The following DNHD1 variants were observed in gnomAD, a reference collection of about 807,000 sequenced individuals.
The protein encoded by DNHD1 is dynein heavy chain domain 1, also known as dynein heavy chain domain-containing protein 1.
In DNHD1, 383 loss-of-function variants were observed where a neutral mutation model predicts 458.1. The ratio of observed to expected loss-of-function variants is 0.84; its 90% confidence interval spans 0.77 to 0.91. The LOEUF (loss-of-function observed/expected upper bound fraction) is 0.91, where lower values mean the gene tolerates loss of function less well. DNHD1 is among the 40% of genes least tolerant of loss of function. DNHD1 has a pLI of 0.00. For missense variants in DNHD1, 5,336 were observed against 5,866.1 expected (o/e 0.91, Z 2.95); for synonymous variants, 2,203 against 2,376.9 (o/e 0.93, Z 2.13).
chr11:6,558,791 C>A, intron 26 of DNHD1, 98 bp downstream of exon 26: 1 of 1,495,036 alleles, frequency 6.7e-7, no homozygotes, highest in Non-Finnish European at 9.1e-7. Context: ...CTAGAGCCTA[C>A]AGAGCCCCCT....
In DNHD1 at chr11:6,567,543, G is replaced by T; in HGVS notation, c.12034G>T (p.Ala4012Ser). 1 of 1,613,014 alleles carries T rather than the reference G, an allele frequency of 6.2e-7. No individual in the cohort carries two copies. The highest frequency in any genetic ancestry group is 8.5e-7 in the Non-Finnish European group (1 of 1,179,482). The change falls in exon 36 of 43, where the codon GCT (alanine) becomes TCT (serine). Residue 4012 changes from alanine to serine, a missense_variant. This residue lies in a region of DNHD1 where 695 missense variants were observed against 804.2 expected (regional missense o/e 0.86). Transcript: ENST00000254579. ...TGCCTCCCTGGCAGGCCACTCCAGT[G>T]CTTGGCAGGCTTACCTGTCACTGTC... ...LCASLAGHSSAWQAYLSLSST... is the reference protein window; with the variant it reads ...LCASLAGHSSSWQAYLSLSST...
intron 18 of DNHD1, among the ~76,000 whole-genome samples, chr11:6,541,661 T>C (rs562508742): frequency 6.6e-6 from 1 of 152,312 alleles, no homozygotes; most frequent in East Asian, 1.9e-4. Flanking sequence ...CATTAATAAT[T>C]TACTCAATAA....
intron 14 of DNHD1, among the ~76,000 whole-genome samples, chr11:6,534,445 CAG>C (rs1852897452): frequency 6.6e-6 from 1 of 151,568 alleles, no homozygotes; most frequent in African/African-American, 2.4e-5. Context: ...GTGATGGGGT[CAG>C]GGGCTAAAAG....
In DNHD1 at chr11:6,502,935, C is replaced by G. The variant is rs1852166583; in HGVS notation, c.920+9C>G. 4 of 1,612,906 alleles carry G rather than the reference C, an allele frequency of 2.5e-6. No individual in the cohort carries two copies. In the East Asian group the frequency reaches 8.9e-5, roughly 36 times the overall value. On this transcript the variant is annotated intron_variant, in intron 4 of 42. Transcript: ENST00000254579. ...CCCAGCCGGTACTTTAGGTGATAGC[C>G]TATGTCCAGGCCCCTTCTCCTCCCC...
chr11:6,506,618 A>T (rs1852232831), intron 4 of DNHD1, among the ~76,000 whole-genome samples: 2 of 151,692 alleles, frequency 1.3e-5, no homozygotes, highest in Non-Finnish European at 2.9e-5. Flanking sequence ...CCAGTGTTTG[A>T]TTTACATTTA....
chr11:6,526,633 G>A (rs1017683388), intron 10 of DNHD1, among the ~76,000 whole-genome samples: 13 of 152,022 alleles, frequency 8.6e-5, no homozygotes, highest in Non-Finnish European at 1.6e-4. Context: ...ACTTTCTGAG[G>A]TTTTCTGGTT....
intron 13 of DNHD1, 61 bp from the exon 14 acceptor site, chr11:6,533,620 A>T (rs1196173520): frequency 6.7e-7 from 1 of 1,485,816 alleles, no homozygotes; most frequent in African/African-American, 1.4e-5. Context: ...CCCCTTGGGG[A>T]TGGGACCAAA....
intron 4 of DNHD1, chr11:6,503,835 G>A (rs1564994143): frequency 6.6e-6 from 1 of 152,126 alleles, no homozygotes; most frequent in African/African-American, 2.4e-5. Flanking sequence ...AGAAATAATT[G>A]TAATAATTGC....
At position 6,502,822 on chromosome 11, in the gene DNHD1, G is replaced by C; in HGVS notation, c.816G>C (p.Glu272Asp). 26 of 1,613,034 alleles carry C rather than the reference G, an allele frequency of 1.6e-5. No homozygotes were observed. Among genetic ancestry groups the C allele is most frequent in the Non-Finnish European group, 2.2e-5 (26 of 1,179,516 alleles). ...AGAGCAGCACCGGCTTTTCACCTGA[G>C]ACTTCCTTCCTGGATAGCCAGGTGA... is the stretch of plus-strand genomic sequence containing the variant. ...FQKSSTGFSP[E>D]TSFLDSQVMT... is the part of the protein sequence containing the mutation. Residue 272 changes from glutamate to aspartate, a missense_variant, in exon 4 of 43, where the codon GAG becomes GAC. Glu to Asp is a conservative substitution (Grantham distance 45). This residue lies in a region of DNHD1 where 3,932 missense variants were observed against 4,365.6 expected (regional missense o/e 0.90). Transcript: ENST00000254579.
chr11:6,547,572 T>C lies in DNHD1; in HGVS notation c.6633T>C (p.Cys2211=). Residue 2211 remains cysteine (C), a synonymous_variant, in exon 21 of 43, where the codon TGT becomes TGC. Transcript: ENST00000254579. The part of the protein sequence containing the change: ...LLQVHGQQAV[C]AGVAEVTSMA... Reference sequence around the variant, plus strand: ...AGGTACACGGGCAGCAGGCTGTTTGTGCAGGTGTGGCAGAAGTTACCAGCA... The same window carrying C: ...AGGTACACGGGCAGCAGGCTGTTTGCGCAGGTGTGGCAGAAGTTACCAGCA... The C allele has an allele frequency of 6.5e-7, 1 of 1,550,364 alleles. No homozygotes were observed. The highest frequency in any genetic ancestry group is 8.7e-7 in the Non-Finnish European group (1 of 1,145,876).
intron 10 of DNHD1, among the ~76,000 whole-genome samples, chr11:6,525,260 T>A (rs1235765890): frequency 6.6e-6 from 1 of 152,178 alleles, no homozygotes; most frequent in Non-Finnish European, 1.5e-5. Flanking sequence ...CACTTTTACA[T>A]CTCACCATCA....
Position 6,546,182 on chromosome 11 carries a change from T to C in DNHD1, c.5243T>C (p.Leu1748Ser). ...LEKVHQLPPG[L>S]LSALGQRLGE... ...AAAGTTCATCAGCTGCCCCCTGGCT[T>C]GCTCTCTGCCCTGGGCCAGCGCCTG... The change falls in exon 21 of 43, where the codon TTG becomes TCG. Residue 1748 changes from leucine (L) to serine (S), a missense_variant. Transcript: ENST00000254579. The C allele has an allele frequency of 6.4e-7, 1 of 1,551,198 alleles. No individual in the cohort carries two copies. Among genetic ancestry groups the C allele is most frequent in the Non-Finnish European group, 8.7e-7 (1 of 1,146,556 alleles).
At chr11:6,528,424 TG>T (rs1852757617) in intron 10 of DNHD1, 97 bp from the exon 11 acceptor site, 2 of 1,294,894 alleles carry the variant, frequency 1.5e-6, no homozygotes, top group Non-Finnish European at 2.1e-6. Flanking sequence ...TGTGTGTGTG[TG>T]TGTGTGTGTG....
rs1853506196 is a variant in DNHD1, at chr11:6,558,007, T to TTCTAGCA, written c.8714_8720dup (p.Cys2908Ter). The TTCTAGCA allele has an allele frequency of 6.4e-7, 1 of 1,551,600 alleles. No homozygotes were observed. The highest frequency in any genetic ancestry group is 2.0e-5 in the Admixed American group (1 of 50,988). ...GGCGCCACACTGCCATCACTCTGGC[T>TTCTAGCA]TCTAGCATTTGTCAGGCCCATTTCT... On this transcript the variant is annotated frameshift_variant, in exon 25 of 43. Transcript: ENST00000254579. LOFTEE classifies it high-confidence loss of function.
At chr11:6,518,914 G>C (rs1463275033) in intron 7 of DNHD1, among the ~76,000 whole-genome samples, 2 of 152,150 alleles carry the variant, frequency 1.3e-5, no homozygotes, top group African/African-American at 4.8e-5. Context: ...ACAAGCTCTA[G>C]GGAGCATCAA....
rs1455979759 is a variant in DNHD1 at position 6,546,836 on chromosome 11, A to T, written c.5897A>T (p.Asp1966Val). The T allele has an allele frequency of 2.1e-5, 32 of 1,551,648 alleles. 1 individual carries two copies. In the Middle Eastern group the frequency reaches 5.0e-4, roughly 24 times the overall value. ...VVEELQQVGL[D>V]PSPDILGSLE... is the part of the protein sequence containing the mutation. ...GAGGAACTGCAACAGGTAGGTCTGGATCCCAGCCCTGACATTTTGGGGTCC... is the reference window on the plus strand; with the variant it reads ...GAGGAACTGCAACAGGTAGGTCTGGTTCCCAGCCCTGACATTTTGGGGTCC... Residue 1966 changes from aspartate to valine, a missense_variant, in exon 21 of 43, where the codon GAT (aspartate) becomes GTT (valine). By Grantham distance (152) the Asp-to-Val change is radical. Coordinates refer to ENST00000254579, the MANE Select transcript of DNHD1 (RefSeq NM_144666.3).
Position 6,558,953 on chromosome 11 carries a change from C to T in DNHD1, c.9263C>T (p.Ala3088Val). 1 of 1,551,744 alleles carries T rather than the reference C, an allele frequency of 6.4e-7. No homozygotes were observed. The highest frequency in any genetic ancestry group is 8.7e-7 in the Non-Finnish European group (1 of 1,147,006). The part of the protein sequence containing the change: ...LQASIPSVAK[A>V]MALIHLSATH... ...GCCTCAATTCCCAGTGTGGCCAAAG[C>T]CATGGCTCTTATCCACCTTTCGGCC... The change falls in exon 27 of 43, where the codon GCC becomes GTC. Residue 3088 changes from alanine (A) to valine (V), a missense_variant. Ala to Val is a moderately conservative substitution (Grantham distance 64). This residue lies in a region of DNHD1 where 3,932 missense variants were observed against 4,365.6 expected (regional missense o/e 0.90). Transcript: ENST00000254579.
chr11:6,544,424 T>A (rs913112654), intron 19 of DNHD1, 150 bp from the exon 20 acceptor site: 3 of 1,024,168 alleles, frequency 2.9e-6, no homozygotes, highest in Non-Finnish European at 4.2e-6. Flanking sequence ...GAAAGTTTTT[T>A]CTCCCTCAAG....
At position 6,556,698 on chromosome 11, in the gene DNHD1, G is replaced by T. The variant is rs1279505515; in HGVS notation, c.7403G>T (p.Cys2468Phe). ...TGTCCCATAGACCCAGAGAAGAGCT[G>T]CCAGCCAGTGTTGGAGACTCTGCGC... is the stretch of plus-strand genomic sequence containing the variant. ...HLATSDPEKS[C>F]QPVLETLRQA... Residue 2468 changes from cysteine (C) to phenylalanine (F), a missense_variant, in exon 25 of 43, where the codon TGC becomes TTC. Around this residue, in one of 4 missense-constraint regions of DNHD1, gnomAD observed 3,932 missense variants for 4,365.6 expected, o/e 0.90. Coordinates refer to ENST00000254579, the MANE Select transcript of DNHD1 (RefSeq NM_144666.3). The T allele has an allele frequency of 1.3e-6, 2 of 1,543,256 alleles. No homozygotes were observed. The highest frequency in any genetic ancestry group is 2.7e-5 in the African/African-American group (2 of 72,888).
Sources: allele counts gnomAD v4.1 joint callset (sites outside exome capture counted in the v4.1 genomes callset), GRCh38; gene constraint gnomAD v4.1.1; regional missense constraint gnomAD v4.1.1; transcripts MANE v1.5; gene names NCBI Gene and HGNC (gene_info 2026-07-23, HGNC 2026-07-21).